Variants in MEIS2 observed in about 807,000 individuals in gnomAD.
MEIS2 encodes the protein Meis homeobox 2, also known as homeobox protein Meis2.
In MEIS2, 9 loss-of-function variants were observed where a neutral mutation model predicts 58.6. The observed-to-expected ratio is 0.15, with a 90% CI of 0.09 to 0.27. The LOEUF (loss-of-function observed/expected upper bound fraction) is 0.27, where lower values mean the gene tolerates loss of function less well. MEIS2 is among the 10% of genes least tolerant of loss of function. The probability of loss-of-function intolerance (pLI) is 1.00; values close to 1 mark genes in which losing one functional copy is unlikely to be tolerated. For missense variants in MEIS2, 427 were observed against 635.0 expected, an observed-to-expected ratio of 0.67 and a Z score of 3.52; for synonymous variants, 221 against 228.4, an observed-to-expected ratio of 0.97 and a Z score of 0.29.
At chr15:37,016,513 G>C (rs1463475404) in intron 8 of MEIS2, among the ~76,000 whole-genome samples, 1 of 152,036 alleles carries the variant, frequency 6.6e-6, no homozygotes, top group Non-Finnish European at 1.5e-5. Flanking sequence ...TTAAAAAAAA[G>C]TCCCTCCAGC....
chr15:36,980,231 C>G (rs2059888504), intron 8 of MEIS2, among the ~76,000 whole-genome samples: 1 of 151,994 alleles, frequency 6.6e-6, no homozygotes, highest in Non-Finnish European at 1.5e-5. Flanking sequence ...TACTTCTTGC[C>G]ATACAGAAAA....
At chr15:37,033,732 G>A (rs2062026211) in intron 8 of MEIS2, among the ~76,000 whole-genome samples, 1 of 152,162 alleles carries the variant, frequency 6.6e-6, no homozygotes, top group South Asian at 2.1e-4. Context: ...ACTTCCTCAT[G>A]CCTGTTAGTG....
intron 9 of MEIS2, among the ~76,000 whole-genome samples, chr15:36,930,202 TAAAAA>T (rs370695754): frequency 1.1e-5 from 1 of 94,334 alleles, no homozygotes. Context: ...GACTCAGTCT[TAAAAA>T]AAAAAAAAAA....
intron 9 of MEIS2, among the ~76,000 whole-genome samples, chr15:36,901,990 C>T (rs1399660055): frequency 6.6e-6 from 1 of 152,212 alleles, no homozygotes; most frequent in East Asian, 1.9e-4. Context: ...GTCCTCTGCC[C>T]TTTATTTGCT....
chr15:36,952,607 C>CTCTGTGTG (rs1490440825), intron 8 of MEIS2, among the ~76,000 whole-genome samples: 4,606 of 139,882 alleles, frequency 0.033, 133 homozygotes, highest in East Asian at 0.14. Flanking sequence ...GTCTCTCTCT[C>CTCTGTGTG]TGTGTGTGTG....
At chr15:37,060,548 T>C (rs1889072218) in intron 7 of MEIS2, among the ~76,000 whole-genome samples, 1 of 152,084 alleles carries the variant, frequency 6.6e-6, no homozygotes, top group Non-Finnish European at 1.5e-5. Flanking sequence ...GCTCTATACG[T>C]TTCATGGGGT....
At chr15:37,036,769 A>G (rs1270989541) in intron 8 of MEIS2, 45 bp downstream of exon 8, 1 of 1,592,466 alleles carries the variant, frequency 6.3e-7, no homozygotes, top group Non-Finnish European at 8.5e-7. Flanking sequence ...ACTTGCTAGC[A>G]AAACAACAAA....
intron 8 of MEIS2, among the ~76,000 whole-genome samples, chr15:36,977,494 G>A (rs978423165): frequency 6.6e-6 from 1 of 152,158 alleles, no homozygotes; most frequent in Non-Finnish European, 1.5e-5. Flanking sequence ...GTGATCTTGG[G>A]TGAGTCCAGG....
chr15:36,960,168 G>A (rs1238941712), intron 8 of MEIS2, among the ~76,000 whole-genome samples: 1 of 152,056 alleles, frequency 6.6e-6, no homozygotes, highest in Non-Finnish European at 1.5e-5. Context: ...CCATAAGAAT[G>A]CACTGAAGGT....
chr15:37,080,162 C>T (rs1892007540), intron 7 of MEIS2, among the ~76,000 whole-genome samples: 5 of 152,112 alleles, frequency 3.3e-5, no homozygotes, highest in Admixed American at 3.3e-4. Flanking sequence ...CATATTGGCA[C>T]ATCAAAATAT....
intron 7 of MEIS2, among the ~76,000 whole-genome samples, chr15:37,080,161 A>C (rs1316182977): frequency 6.6e-6 from 1 of 152,176 alleles, no homozygotes; most frequent in African/African-American, 2.4e-5. Context: ...TCATATTGGC[A>C]CATCAAAATA....
chr15:36,894,688 G>C, intron 11 of MEIS2: 1 of 1,513,348 alleles, frequency 6.6e-7, no homozygotes, highest in Non-Finnish European at 9.2e-7. Context: ...AAGTGATAGT[G>C]AAGACAGATC....
intron 9 of MEIS2, among the ~76,000 whole-genome samples, chr15:36,925,246 G>A (rs1341419391): frequency 6.6e-6 from 1 of 152,234 alleles, no homozygotes; most frequent in Admixed American, 6.5e-5. Flanking sequence ...CTTGCTAGGT[G>A]CACTTGACTC....
intron 7 of MEIS2, among the ~76,000 whole-genome samples, chr15:37,080,552 A>G (rs1489363403): frequency 6.6e-6 from 1 of 152,176 alleles, no homozygotes; most frequent in Non-Finnish European, 1.5e-5. Flanking sequence ...AGTGAAATAC[A>G]AAGCAGCTTT....
At position 36,890,317 on chromosome 15, in the gene MEIS2, A is replaced by G; in HGVS notation, c.*1856T>C. 1 of 152,280 alleles carries G rather than the reference A, an allele frequency of 6.6e-6. No homozygotes were observed. The highest frequency in any genetic ancestry group is 1.9e-4 in the East Asian group (1 of 5,188). The allele number at this position is 152,280 out of a possible 1,614,324, so 9.4% of individuals were successfully genotyped here. ...ATTGTTTGTGCAGTATCAATAAGCT[A>G]ATGGTATAGATTTCCAGGAATGTTG... On this transcript the variant is annotated 3_prime_UTR_variant, in exon 12 of 12. Coordinates refer to ENST00000561208, the MANE Select transcript of MEIS2 (RefSeq NM_170675.5).
At chr15:37,058,383 C>T (rs1428790142) in intron 7 of MEIS2, among the ~76,000 whole-genome samples, 3 of 152,174 alleles carry the variant, frequency 2.0e-5, no homozygotes, top group African/African-American at 2.4e-5. Context: ...AAGTTTTTAT[C>T]GTCTGATACT....
At chr15:36,977,504 G>T (rs1483081739) in intron 8 of MEIS2, among the ~76,000 whole-genome samples, 1 of 152,070 alleles carries the variant, frequency 6.6e-6, no homozygotes, top group Non-Finnish European at 1.5e-5. Context: ...GTGAGTCCAG[G>T]GATCATCACC....
chr15:36,957,017 A>T (rs1462104391), intron 8 of MEIS2, among the ~76,000 whole-genome samples: 1 of 152,168 alleles, frequency 6.6e-6, no homozygotes, highest in Non-Finnish European at 1.5e-5. Flanking sequence ...CTGGTCAAAT[A>T]GCAAAAACTT....
intron 8 of MEIS2, among the ~76,000 whole-genome samples, chr15:36,968,118 T>C (rs140648181): frequency 3.3e-5 from 5 of 152,326 alleles, no homozygotes; most frequent in Admixed American, 3.3e-4. Flanking sequence ...ACAACTCTTT[T>C]GTGTTAAGCC....
Sources: allele counts gnomAD v4.1 joint callset (sites outside exome capture counted in the v4.1 genomes callset), GRCh38; gene constraint gnomAD v4.1.1; transcripts MANE v1.5; gene names NCBI Gene and HGNC (gene_info 2026-07-23, HGNC 2026-07-21).